The following USP37 variants were observed in gnomAD, a reference collection of about 807,000 sequenced individuals.
USP37 encodes the protein ubiquitin specific peptidase 37.
USP37 carries 27 observed loss-of-function variants against 124.0 expected under a neutral mutation model. The observed-to-expected ratio is 0.22, with a 90% confidence interval of 0.16 to 0.30. The LOEUF is 0.30. Ranked by LOEUF, USP37 falls within the 10% of genes least tolerant of loss-of-function variation. The probability of loss-of-function intolerance (pLI) is 1.00; values close to 1 mark genes in which losing one functional copy is unlikely to be tolerated. For synonymous variants in USP37, 365 were observed against 388.0 expected (o/e 0.94, Z 0.70); for missense variants, 889 against 1,140.4 (o/e 0.78, Z 3.17).
chr2:218,466,464 T>G (rs1690329745), intron 20 of USP37, among the ~76,000 whole-genome samples: 1 of 152,116 alleles, frequency 6.6e-6, no homozygotes. Context: ...ATTAGTAGCA[T>G]CCACCCTCTA....
At chr2:218,468,119 C>T (rs1015500966) in intron 20 of USP37, among the ~76,000 whole-genome samples, 1 of 151,524 alleles carries the variant, frequency 6.6e-6, no homozygotes, top group Non-Finnish European at 1.5e-5. Flanking sequence ...GAACTCCTGA[C>T]GTCAAGTGAT....
chr2:218,498,377 G>C (rs1428939355), intron 11 of USP37: 1 of 321,630 alleles, frequency 3.1e-6, no homozygotes, highest in African/African-American at 2.2e-5. Flanking sequence ...CAAGTTACTA[G>C]ATCACGTTGA....
At chr2:218,473,479 T>G (rs1431709915) in intron 20 of USP37, among the ~76,000 whole-genome samples, 2 of 152,186 alleles carry the variant, frequency 1.3e-5, no homozygotes, top group Non-Finnish European at 2.9e-5. Context: ...AATTCATAAT[T>G]GAAGAGGTTC....
intron 10 of USP37, among the ~76,000 whole-genome samples, chr2:218,511,636 G>C (rs1042774500): frequency 6.6e-6 from 1 of 151,684 alleles, no homozygotes. Context: ...TAGTAGAGAA[G>C]GGGTTTCACC....
At chr2:218,553,779 C>A (rs949646005) in intron 4 of USP37, 55 bp from the exon 5 acceptor site, 91 of 1,496,394 alleles carry the variant, frequency 6.1e-5, no homozygotes, top group Non-Finnish European at 8.2e-5. Flanking sequence ...CTAAGTATAA[C>A]AATCTGTATA....
At chr2:218,562,368 A>G (rs1310109343) in intron 2 of USP37, among the ~76,000 whole-genome samples, 4 of 152,254 alleles carry the variant, frequency 2.6e-5, no homozygotes, top group Non-Finnish European at 5.9e-5. Context: ...TATTCTTTAA[A>G]TATGTCCAGA....
chr2:218,528,576 A>G lies in USP37; in HGVS notation c.863+1380T>C, dbSNP rs2106023053. ...GCTGAGAATGATGGTTTTCAGCTTC[A>G]TCCATGTCTCTGCAAAGGACATGAA... is the stretch of plus-strand genomic sequence containing the variant. On this transcript the variant is annotated intron_variant, in intron 10 of 25. Transcript: ENST00000258399. 1.0e-5 allele frequency: 4 copies of G among 391,014 alleles called. 1 individual carries two copies. The South Asian group carries it at 5.6e-4, about 55-fold the overall frequency. 24.2% of individuals were successfully genotyped at this position (391,014 alleles called of 1,614,324 possible).
chr2:218,471,988 C>A lies in USP37; in HGVS notation c.2299+2642G>T, dbSNP rs867976084. Among the ~76,000 whole-genome samples, 146 of 151,462 alleles carry A rather than the reference C, an allele frequency of 9.6e-4. 1 individual carries two copies. In the Middle Eastern group the frequency reaches 0.034, roughly 36 times the overall value. On this transcript the variant is annotated intron_variant, in intron 20 of 25. Coordinates refer to ENST00000258399, the MANE Select transcript of USP37 (RefSeq NM_020935.3). ...GAGGTTGCAGTGAGCTGAGATCATGCCACTGCACTCCAGCCTGGGTGACAG... is the reference window on the plus strand; with the variant it reads ...GAGGTTGCAGTGAGCTGAGATCATGACACTGCACTCCAGCCTGGGTGACAG...
chr2:218,550,830 A>C (rs1692631557), intron 5 of USP37, among the ~76,000 whole-genome samples: 1 of 151,644 alleles, frequency 6.6e-6, no homozygotes, highest in Non-Finnish European at 1.5e-5. Context: ...GTTTTTTTTT[A>C]ATTGATTTGC....
At chr2:218,547,135 G>A in intron 6 of USP37, 44 bp from the exon 7 acceptor site, 1 of 1,543,132 alleles carries the variant, frequency 6.5e-7, no homozygotes, top group Non-Finnish European at 8.7e-7. Flanking sequence ...CAAATTAACT[G>A]GAATACTTTT....
At chr2:218,482,038 G>T in intron 17 of USP37, 32 bp downstream of exon 17, 1 of 1,552,796 alleles carries the variant, frequency 6.4e-7, no homozygotes, top group African/African-American at 1.4e-5. Flanking sequence ...TTTCAAAAGG[G>T]AATATAAAGA....
intron 8 of USP37, among the ~76,000 whole-genome samples, chr2:218,544,950 G>C (rs1331516046): frequency 6.6e-6 from 1 of 152,140 alleles, no homozygotes; most frequent in East Asian, 1.9e-4. Flanking sequence ...CATGGTCCAA[G>C]GTACATTTAG....
intron 22 of USP37, among the ~76,000 whole-genome samples, chr2:218,461,025 G>GT (rs1491423798): frequency 6.6e-6 from 1 of 152,036 alleles, no homozygotes; most frequent in Non-Finnish European, 1.5e-5. Context: ...TAAATTTCAC[G>GT]TAAGATATAC....
intron 17 of USP37, among the ~76,000 whole-genome samples, chr2:218,481,846 G>A (rs973446416): frequency 6.6e-6 from 1 of 151,846 alleles, no homozygotes; most frequent in Non-Finnish European, 1.5e-5. Flanking sequence ...TAGAGATGAG[G>A]TCATGCTCTG....
chr2:218,506,397 TCTC>T (rs1178806148), intron 11 of USP37, among the ~76,000 whole-genome samples: 3 of 147,496 alleles, frequency 2.0e-5, no homozygotes, highest in African/African-American at 2.5e-5. Flanking sequence ...TTCAAGAAAT[TCTC>T]CTGCTTCAGC....
chr2:218,459,139 G>A (rs562210535), intron 23 of USP37, among the ~76,000 whole-genome samples: 7 of 151,268 alleles, frequency 4.6e-5, no homozygotes, highest in Non-Finnish European at 1.0e-4. Context: ...ATAGTTTTCA[G>A]TGAGGAACAA....
chr2:218,469,843 CAG>C (rs1278637688), intron 20 of USP37, among the ~76,000 whole-genome samples: 1 of 101,016 alleles, frequency 9.9e-6, no homozygotes, highest in Non-Finnish European at 1.8e-5. Context: ...TTTTTTGAGA[CAG>C]AGTCTTGCTC....
intron 21 of USP37, among the ~76,000 whole-genome samples, chr2:218,464,792 A>C (rs1175168202): frequency 1.3e-5 from 2 of 152,214 alleles, no homozygotes; most frequent in Non-Finnish European, 1.5e-5. Context: ...CATAAAGAAA[A>C]GAGCAAGGGC....
chr2:218,538,275 T>C (rs1286826048), intron 8 of USP37, among the ~76,000 whole-genome samples: 1 of 152,136 alleles, frequency 6.6e-6, no homozygotes, highest in Non-Finnish European at 1.5e-5. Flanking sequence ...ATGCATCTCA[T>C]CATCTACTTT....
Sources: allele counts gnomAD v4.1 joint callset (sites outside exome capture counted in the v4.1 genomes callset), GRCh38; gene constraint gnomAD v4.1.1; transcripts MANE v1.5; gene names NCBI Gene and HGNC (gene_info 2026-07-23, HGNC 2026-07-21).